Variants in SLC10A7 observed in about 807,000 individuals in gnomAD.
The protein encoded by SLC10A7 is solute carrier family 10 member 7.
A neutral mutation model predicts 43.2 loss-of-function variants in SLC10A7; 29 were observed. That is an observed-to-expected ratio of 0.67 (90% CI 0.50 to 0.92). The LOEUF (loss-of-function observed/expected upper bound fraction) is 0.92. Among genes scored for constraint, SLC10A7 ranks in the 40% least tolerant of loss-of-function variants. The probability of loss-of-function intolerance (pLI) is 0.00; values close to 1 mark genes in which losing one functional copy is unlikely to be tolerated. For synonymous variants in SLC10A7, 152 were observed against 144.8 expected (o/e 1.05, Z -0.35); for missense variants, 295 against 403.2 (o/e 0.73, Z 2.30).
intron 5 of SLC10A7, among the ~76,000 whole-genome samples, chr4:146,393,233 TAA>T (rs1362997496): frequency 7.2e-6 from 1 of 139,758 alleles, no homozygotes; most frequent in Non-Finnish European, 1.5e-5. Flanking sequence ...CAATTGCTAC[TAA>T]GTGTTTCTGT....
chr4:146,521,009 C>T (rs1738581576), intron 1 of SLC10A7, among the ~76,000 whole-genome samples: 1 of 152,144 alleles, frequency 6.6e-6, no homozygotes. Flanking sequence ...ATCTGTTAGA[C>T]TGCTAGTATA....
At chr4:146,359,029 C>A (rs1270409174) in intron 5 of SLC10A7, among the ~76,000 whole-genome samples, 1 of 152,140 alleles carries the variant, frequency 6.6e-6, no homozygotes, top group African/African-American at 2.4e-5. Flanking sequence ...TAGACATCTG[C>A]TTTAATACTT....
intron 5 of SLC10A7, among the ~76,000 whole-genome samples, chr4:146,348,300 C>T (rs60862748): frequency 6.6e-6 from 1 of 152,132 alleles, no homozygotes; most frequent in Non-Finnish European, 1.5e-5. Flanking sequence ...GAAGAAAATG[C>T]AATCTAAGAT....
At chr4:146,501,176 T>C (rs1180530144) in intron 4 of SLC10A7, among the ~76,000 whole-genome samples, 1 of 152,226 alleles carries the variant, frequency 6.6e-6, no homozygotes, top group Non-Finnish European at 1.5e-5. Flanking sequence ...TCTCATCCAA[T>C]TTTGGCTTTA....
chr4:146,261,475 C>A (rs896318030), intron 10 of SLC10A7, among the ~76,000 whole-genome samples: 1 of 152,222 alleles, frequency 6.6e-6, no homozygotes, highest in South Asian at 2.1e-4. Context: ...CTCACTGTTG[C>A]CATTTCCCTT....
At chr4:146,269,003 GAA>G (rs1173095107) in intron 10 of SLC10A7, among the ~76,000 whole-genome samples, 2 of 152,156 alleles carry the variant, frequency 1.3e-5, no homozygotes, top group African/African-American at 4.8e-5. Context: ...GGCAGGCTTT[GAA>G]TAAAGGTTGG....
At chr4:146,431,318 CAG>C (rs1260790911) in intron 5 of SLC10A7, among the ~76,000 whole-genome samples, 3 of 152,090 alleles carry the variant, frequency 2.0e-5, no homozygotes, top group Non-Finnish European at 2.9e-5. Context: ...AAGCAACAAA[CAG>C]AAATTGACTT....
chr4:146,287,973 AGAG>A (rs1730143867), intron 9 of SLC10A7, among the ~76,000 whole-genome samples: 1 of 152,168 alleles, frequency 6.6e-6, no homozygotes, highest in East Asian at 1.9e-4. Flanking sequence ...GCTGCTCACT[AGAG>A]CAGCATTCAC....
At chr4:146,448,280 TTC>T (rs1419236426) in intron 4 of SLC10A7, among the ~76,000 whole-genome samples, 5 of 151,724 alleles carry the variant, frequency 3.3e-5, no homozygotes, top group African/African-American at 1.2e-4. Context: ...GGAAAAACAA[TTC>T]TCTGATAAAA....
At chr4:146,348,326 C>T (rs72950690) in intron 5 of SLC10A7, among the ~76,000 whole-genome samples, 1,683 of 152,172 alleles carry the variant, frequency 0.011, 26 homozygotes, top group African/African-American at 0.038. Flanking sequence ...ATGGAATTTT[C>T]CCTATTATAC....
intron 5 of SLC10A7, among the ~76,000 whole-genome samples, chr4:146,440,582 TC>T (rs368931446): frequency 2.6e-5 from 4 of 152,150 alleles, no homozygotes; most frequent in African/African-American, 7.2e-5. Flanking sequence ...TAAATCACTA[TC>T]AATTTTTTTC....
At chr4:146,352,564 C>G (rs1350575076) in intron 5 of SLC10A7, among the ~76,000 whole-genome samples, 1 of 150,886 alleles carries the variant, frequency 6.6e-6, no homozygotes, top group African/African-American at 2.4e-5. Context: ...ACTCTCCACC[C>G]CAAATCAACA....
In SLC10A7 at chr4:146,373,003, C is replaced by A. The variant is rs930176776; in HGVS notation, c.436-47007G>T. On this transcript the variant is annotated intron_variant, in intron 5 of 11. Transcript: ENST00000335472. ...TGTCTTGAAGAATATCAATCAGCCACATCAGAGAGCCCTATTTGCTTCACA... is the reference window on the plus strand; with the variant it reads ...TGTCTTGAAGAATATCAATCAGCCAAATCAGAGAGCCCTATTTGCTTCACA... 2.6e-5 allele frequency among the ~76,000 whole-genome samples: 4 copies of A among 152,194 alleles called. No homozygotes were observed. The South Asian group carries it at 8.3e-4, about 31-fold the overall frequency.
intron 5 of SLC10A7, among the ~76,000 whole-genome samples, chr4:146,433,008 A>G (rs1342439286): frequency 6.8e-6 from 1 of 147,846 alleles, no homozygotes; most frequent in Non-Finnish European, 1.5e-5. Context: ...ACTGCACTCC[A>G]GCGTGGGTGA....
chr4:146,420,761 A>G (rs999651604), intron 5 of SLC10A7, among the ~76,000 whole-genome samples: 2 of 152,136 alleles, frequency 1.3e-5, no homozygotes, highest in African/African-American at 2.4e-5. Context: ...ACGGTGGCTC[A>G]TTCCTGTAAT....
chr4:146,466,762 G>C (rs930197915), intron 4 of SLC10A7, among the ~76,000 whole-genome samples: 1 of 152,046 alleles, frequency 6.6e-6, no homozygotes, highest in Admixed American at 6.6e-5. Context: ...AAAAGATAAG[G>C]CTCAGAGTAC....
At chr4:146,291,282 T>TA (rs1415993047) in intron 9 of SLC10A7, among the ~76,000 whole-genome samples, 18 of 152,344 alleles carry the variant, frequency 1.2e-4, no homozygotes, top group Non-Finnish European at 1.6e-4. Context: ...CTTACCCAAT[T>TA]AAGTCACATT....
chr4:146,308,680 G>C (rs1731752752), intron 6 of SLC10A7, among the ~76,000 whole-genome samples: 1 of 152,090 alleles, frequency 6.6e-6, no homozygotes, highest in African/African-American at 2.4e-5. Context: ...GGACTTCATT[G>C]AGCCACCCTG....
rs566499922 is a variant in SLC10A7, at chr4:146,257,083, A to T, written c.994-563T>A. On this transcript the variant is annotated intron_variant, in intron 11 of 11. Transcript: ENST00000335472. ...AATTTGCTGTTCACTATGGCTGTAT[A>T]ATATTGATGAGTATTAGGATTTTCA... The T allele has an allele frequency of 6.0e-4, 360 of 598,904 alleles. 1 individual carries two copies. Among genetic ancestry groups the T allele is most frequent in the African/African-American group, 5.5e-3 (295 of 54,056 alleles). The allele number at this position is 598,904 out of a possible 1,614,324, so 37.1% of individuals were successfully genotyped here. A position where few individuals can be genotyped will look rare whatever the true frequency, so the allele number is the denominator to read the frequency against.
Sources: allele counts gnomAD v4.1 joint callset (sites outside exome capture counted in the v4.1 genomes callset), GRCh38; gene constraint gnomAD v4.1.1; transcripts MANE v1.5; gene names NCBI Gene and HGNC (gene_info 2026-07-23, HGNC 2026-07-21).